The following LRRC7 variants were observed in gnomAD, a reference collection of about 807,000 sequenced individuals.
LRRC7 encodes the protein leucine-rich repeat-containing protein 7.
In LRRC7, 23 loss-of-function variants were observed where a neutral mutation model predicts 175.7. The observed-to-expected ratio is 0.13, with a 90% CI of 0.09 to 0.19. The LOEUF is 0.19. Ranked by LOEUF, LRRC7 falls within the 10% of genes least tolerant of loss-of-function variation. The probability of loss-of-function intolerance (pLI) is 1.00; values close to 1 mark genes in which losing one functional copy is unlikely to be tolerated. For missense variants in LRRC7, 1,354 were observed against 1,904.7 expected (o/e 0.71, Z 5.38); for synonymous variants, 685 against 680.9 (o/e 1.01, Z -0.09).
chr1:70,009,657 A>G (rs543645700), intron 11 of LRRC7, among the ~76,000 whole-genome samples: 165 of 152,322 alleles, frequency 1.1e-3, no homozygotes, highest in African/African-American at 3.9e-3. Flanking sequence ...TCCTCATTGT[A>G]AATATAAAGA....
chr1:70,135,766 T>G lies in LRRC7; in HGVS notation c.*13879T>G, dbSNP rs1018050335. Reference sequence around the variant, plus strand: ...ATCATCATCCAAACTATTCTTGCCCTGTAATATTTGTCTATACTGTCTTGA... The same window carrying G: ...ATCATCATCCAAACTATTCTTGCCCGGTAATATTTGTCTATACTGTCTTGA... On this transcript the variant is annotated 3_prime_UTR_variant, in exon 27 of 27. Coordinates refer to ENST00000651989, the MANE Select transcript of LRRC7 (RefSeq NM_001370785.2). 6.6e-6 allele frequency among the ~76,000 whole-genome samples: 1 copy of G among 152,222 alleles called. No homozygotes were observed. The highest frequency in any genetic ancestry group is 1.5e-5 in the Non-Finnish European group (1 of 68,038).
At chr1:69,902,123 T>G (rs1646152066) in intron 7 of LRRC7, among the ~76,000 whole-genome samples, 1 of 152,192 alleles carries the variant, frequency 6.6e-6, no homozygotes. Flanking sequence ...AATTGGGAGC[T>G]TTTATAACTA....
At chr1:70,006,859 A>G (rs56278841) in intron 11 of LRRC7, among the ~76,000 whole-genome samples, 2,497 of 152,306 alleles carry the variant, frequency 0.016, 33 homozygotes, top group Non-Finnish European at 0.024. Context: ...CCAGTTTATT[A>G]TAAAGAATAT....
intron 11 of LRRC7, among the ~76,000 whole-genome samples, chr1:70,002,121 G>T (rs1420700711): frequency 6.6e-6 from 1 of 152,164 alleles, no homozygotes; most frequent in Non-Finnish European, 1.5e-5. Flanking sequence ...TGAGCCTTAT[G>T]TTCTTAGCTT....
intron 10 of LRRC7, among the ~76,000 whole-genome samples, chr1:69,994,133 T>A (rs1176107098): frequency 6.6e-6 from 1 of 152,196 alleles, no homozygotes; most frequent in East Asian, 1.9e-4. Flanking sequence ...TTTTCGTTGA[T>A]CATTGGACTT....
intron 2 of LRRC7, among the ~76,000 whole-genome samples, chr1:69,731,402 CA>C (rs1467189849): frequency 6.6e-6 from 1 of 152,094 alleles, no homozygotes; most frequent in African/African-American, 2.4e-5. Context: ...GTTCCTCCCA[CA>C]ATATGTGGGG....
At chr1:70,081,867 A>G (rs766743018) in intron 24 of LRRC7, among the ~76,000 whole-genome samples, 13 of 152,230 alleles carry the variant, frequency 8.5e-5, no homozygotes, top group Admixed American at 1.3e-4. Flanking sequence ...GTATACATGC[A>G]AATTAAAGTT....
Position 70,121,904 on chromosome 1 carries a change from G to A in LRRC7, c.*17G>A. The A allele has an allele frequency of 6.6e-7, 1 of 1,518,366 alleles. No homozygotes were observed. The highest frequency in any genetic ancestry group is 9.1e-7 in the Non-Finnish European group (1 of 1,095,744). The allele number at this position is 1,518,366 out of a possible 1,614,324, so 94.1% of individuals were successfully genotyped here. A position where few individuals can be genotyped will look rare whatever the true frequency, so the allele number is the denominator to read the frequency against. The stretch of plus-strand genomic sequence containing the variant: ...ACTGTCTAAATATTTTTTATAAATA[G>A]TGAAGATACGTCTAGCCAGACCTAA... On this transcript the variant is annotated 3_prime_UTR_variant, in exon 27 of 27. Transcript: ENST00000651989.
At chr1:69,758,622 A>G (rs1383364383) in intron 2 of LRRC7, among the ~76,000 whole-genome samples, 1 of 151,968 alleles carries the variant, frequency 6.6e-6, no homozygotes, top group African/African-American at 2.4e-5. Context: ...TGAACGTAAT[A>G]CCCAACAGGT....
chr1:69,731,464 C>A (rs573765154), intron 2 of LRRC7, among the ~76,000 whole-genome samples: 1 of 152,212 alleles, frequency 6.6e-6, no homozygotes, highest in Non-Finnish European at 1.5e-5. Flanking sequence ...TATAGCCCAA[C>A]CATATCAAGT....
rs370659929 is a variant in LRRC7 at position 70,013,096 on chromosome 1, T to C, written c.1250+7T>C. ...TAAATTTGAGTGACAACAGGTATTT[T>C]TGCAACATTTCACAATCACATATTA... On this transcript the variant is annotated splice_region_variant and intron_variant, in intron 13 of 26. Coordinates refer to ENST00000651989, the MANE Select transcript of LRRC7 (RefSeq NM_001370785.2). 2 of 1,491,462 alleles carry C rather than the reference T, an allele frequency of 1.3e-6. No homozygotes were observed. Among genetic ancestry groups the C allele is most frequent in the African/African-American group, 2.8e-5 (2 of 71,166 alleles). The allele number at this position is 1,491,462 out of a possible 1,614,324, so 92.4% of individuals were successfully genotyped here.
intron 8 of LRRC7, among the ~76,000 whole-genome samples, chr1:69,978,617 A>C (rs1653080615): frequency 6.6e-6 from 1 of 152,152 alleles, no homozygotes; most frequent in Non-Finnish European, 1.5e-5. Context: ...TTTAAATTTC[A>C]ATCCTTGTTA....
chr1:69,696,935 C>G (rs919137789), intron 2 of LRRC7, among the ~76,000 whole-genome samples: 1 of 152,194 alleles, frequency 6.6e-6, no homozygotes, highest in Admixed American at 6.5e-5. Flanking sequence ...TACCCAGCTT[C>G]AGGTATTCCT....
intron 21 of LRRC7, among the ~76,000 whole-genome samples, chr1:70,040,427 C>T (rs1339196950): frequency 6.6e-6 from 1 of 152,130 alleles, no homozygotes; most frequent in African/African-American, 2.4e-5. Context: ...GATTATACTA[C>T]AGACAACAAA....
At chr1:69,632,795 GAATA>G (rs909870564) in intron 1 of LRRC7, among the ~76,000 whole-genome samples, 4 of 152,042 alleles carry the variant, frequency 2.6e-5, no homozygotes, top group Non-Finnish European at 5.9e-5. Flanking sequence ...TGGGATTAAT[GAATA>G]AATATGTAAT....
intron 8 of LRRC7, among the ~76,000 whole-genome samples, chr1:69,938,334 T>C (rs1648267076): frequency 6.6e-6 from 1 of 152,042 alleles, no homozygotes; most frequent in South Asian, 2.1e-4. Context: ...TTTAAAAAAA[T>C]TCTGCACTCT....
At chr1:70,116,355 G>A (rs978674992) in intron 26 of LRRC7, among the ~76,000 whole-genome samples, 1 of 152,110 alleles carries the variant, frequency 6.6e-6, no homozygotes, top group Non-Finnish European at 1.5e-5. Flanking sequence ...AGACCATCCT[G>A]GTTAACACGG....
chr1:69,865,469 C>CTTGTTTTTTTTTTTTTTTT, intron 7 of LRRC7, among the ~76,000 whole-genome samples: 1 of 51,262 alleles, frequency 2.0e-5, no homozygotes, highest in African/African-American at 8.1e-5. Context: ...AAGACAGTTC[C>CTTGTTTTTTTTTTTTTTTT]TTTTTTTTTT....
chr1:70,061,654 T>C (rs1339214032), intron 23 of LRRC7, among the ~76,000 whole-genome samples: 1 of 152,172 alleles, frequency 6.6e-6, no homozygotes, highest in Non-Finnish European at 1.5e-5. Flanking sequence ...TTATGCAGTT[T>C]TTCTCTTGAC....
Sources: gnomAD v4.1 joint callset for allele counts (sites outside exome capture counted in the v4.1 genomes callset) on GRCh38, gnomAD v4.1.1 for gene constraint, MANE v1.5 for transcripts, NCBI Gene and HGNC (gene_info 2026-07-23, HGNC 2026-07-21) for gene names.